The following WDR26 variants were observed in gnomAD, a reference collection of about 807,000 sequenced individuals.
The protein encoded by WDR26 is WD repeat domain 26, also known as WD repeat-containing protein 26.
Under a neutral mutation model 84.1 loss-of-function variants are expected in WDR26, and 5 were observed. The ratio of observed to expected loss-of-function variants is 0.06; its 90% CI spans 0.03 to 0.13. The LOEUF (loss-of-function observed/expected upper bound fraction) is 0.13, where lower values mean the gene tolerates loss of function less well. Among genes scored for constraint, WDR26 ranks in the 10% least tolerant of loss-of-function variants. The pLI, the probability that WDR26 is intolerant of heterozygous loss-of-function variation, is 1.00. For synonymous variants in WDR26, 415 were observed against 389.6 expected (o/e 1.07, Z -0.77); for missense variants, 642 against 974.9 (o/e 0.66, Z 4.55).
chr1:224,421,764 AAAC>A (rs1674071442), intron 4 of WDR26, among the ~76,000 whole-genome samples: 1 of 152,310 alleles, frequency 6.6e-6, no homozygotes. Context: ...ACTCCATCTC[AAAC>A]AACAAGAAAA....
intron 6 of WDR26, chr1:224,413,133 G>T (rs1346483000): frequency 7.5e-6 from 2 of 267,728 alleles, no homozygotes; most frequent in Admixed American, 1.1e-4. Context: ...AGGTTGCAGT[G>T]AGCCAAGATC....
At chr1:224,430,507 GA>G (rs949125477) in intron 3 of WDR26, 5 of 151,634 alleles carry the variant, frequency 3.3e-5, no homozygotes, top group Admixed American at 3.3e-4. Context: ...GATTTCAAAA[GA>G]AAAAAACACA....
intron 13 of WDR26, among the ~76,000 whole-genome samples, chr1:224,391,742 C>T (rs991357453): frequency 3.3e-5 from 5 of 152,070 alleles, no homozygotes; most frequent in East Asian, 1.9e-4. Context: ...CTATATTTTT[C>T]GTAAGTTCTA....
intron 6 of WDR26, among the ~76,000 whole-genome samples, chr1:224,413,854 G>C (rs935793800): frequency 1.3e-5 from 2 of 152,170 alleles, no homozygotes; most frequent in Admixed American, 6.5e-5. Flanking sequence ...CTGTTGTTCA[G>C]GATGGAGTGC....
rs1673314083 is a variant in WDR26 at position 224,398,167 on chromosome 1, T to C, written c.2004A>G (p.Thr668=). The C allele has an allele frequency of 1.2e-6, 2 of 1,613,748 alleles. No individual in the cohort carries two copies. Among genetic ancestry groups the C allele is most frequent in the Middle Eastern group, 1.7e-4 (1 of 6,054 alleles). ...ATGAATGAATTGTATAAAACCCTTG[T>C]GTAACACCTTGATACTTTCTTACTA... is the stretch of plus-strand genomic sequence containing the variant. Residue 668 remains threonine, a synonymous_variant, in exon 12 of 14, where the codon ACA becomes ACG. Transcript: ENST00000414423.
At chr1:224,424,766 T>G in intron 3 of WDR26, 112 bp from the exon 4 acceptor site, 11 of 1,377,430 alleles carry the variant, frequency 8.0e-6, no homozygotes, top group Non-Finnish European at 1.1e-5. Context: ...TTGAAATAAC[T>G]TTTTATAAAG....
At chr1:224,416,231 CTT>C (rs900427423) in intron 6 of WDR26, among the ~76,000 whole-genome samples, 2 of 145,482 alleles carry the variant, frequency 1.4e-5, no homozygotes, top group Non-Finnish European at 1.5e-5. Context: ...TTTTTTCTTT[CTT>C]TTTTTTTTTT....
At chr1:224,395,136 G>A (rs1005332515) in intron 12 of WDR26, among the ~76,000 whole-genome samples, 7 of 152,152 alleles carry the variant, frequency 4.6e-5, no homozygotes, top group African/African-American at 1.2e-4. Flanking sequence ...GACTAGCTGA[G>A]CAACTTTGGG....
intron 7 of WDR26, among the ~76,000 whole-genome samples, chr1:224,409,627 C>T (rs1005886077): frequency 1.3e-5 from 2 of 151,950 alleles, no homozygotes; most frequent in African/African-American, 2.4e-5. Flanking sequence ...TTTGGGAGGT[C>T]GAGGTGGGCG....
chr1:224,422,075 T>A (rs978102895), intron 4 of WDR26, among the ~76,000 whole-genome samples: 2 of 152,184 alleles, frequency 1.3e-5, no homozygotes, highest in Non-Finnish European at 2.9e-5. Context: ...AACAGAGTGA[T>A]GTCACGAGAA....
At chr1:224,395,443 G>C (rs1304708675) in intron 12 of WDR26, among the ~76,000 whole-genome samples, 1 of 152,138 alleles carries the variant, frequency 6.6e-6, no homozygotes, top group African/African-American at 2.4e-5. Context: ...CAAAATTTCT[G>C]ACATGAAGAT....
At chr1:224,411,654 G>C (rs1174762891) in intron 6 of WDR26, 89 bp from the exon 7 acceptor site, 1 of 1,357,344 alleles carries the variant, frequency 7.4e-7, no homozygotes, top group Non-Finnish European at 9.8e-7. Context: ...AAACTTCTTT[G>C]AAGATCACAT....
At position 224,433,969 on chromosome 1, in the gene WDR26, G is replaced by C; in HGVS notation, c.437C>G (p.Ser146Trp). The C allele has an allele frequency of 6.5e-7, 1 of 1,530,450 alleles. No individual in the cohort carries two copies. Among genetic ancestry groups the C allele is most frequent in the Non-Finnish European group, 8.8e-7 (1 of 1,142,342 alleles). 94.8% of individuals were successfully genotyped at this position (1,530,450 alleles called of 1,614,324 possible). Reference sequence around the variant, plus strand: ...GGCCAGGTCCCCCGCGGACGACGACGACGAGGGGGACGACTCCCCGTTCTG... The same window carrying C: ...GGCCAGGTCCCCCGCGGACGACGACCACGAGGGGGACGACTCCCCGTTCTG... Residue 146 changes from serine to tryptophan, a missense_variant, in exon 1 of 14, where the codon TCG becomes TGG. Around this residue, in one of 2 missense-constraint regions of WDR26, gnomAD observed 291 missense variants for 302.1 expected, o/e 0.96. Transcript: ENST00000414423.
At chr1:224,394,437 G>A (rs1187138471) in intron 12 of WDR26, among the ~76,000 whole-genome samples, 2 of 151,758 alleles carry the variant, frequency 1.3e-5, no homozygotes, top group Non-Finnish European at 2.9e-5. Context: ...AAAGTACTAG[G>A]TATCAAGTAC....
At chr1:224,412,848 T>TTAGACA (rs746901439) in intron 6 of WDR26, 2 of 152,428 alleles carry the variant, frequency 1.3e-5, no homozygotes, top group Non-Finnish European at 2.9e-5. Context: ...TGGCTACTGT[T>TTAGACA]TAGACAGAAC....
chr1:224,403,543 A>C (rs1238624258), intron 8 of WDR26, among the ~76,000 whole-genome samples: 2 of 152,216 alleles, frequency 1.3e-5, no homozygotes, highest in Non-Finnish European at 2.9e-5. Context: ...TTACTATTAT[A>C]ACTACAGGGT....
Position 224,434,735 on chromosome 1 carries a change from G to GTCCTCGGATCCGC in WDR26, c.-343_-331dup, listed in dbSNP as rs1674562171. ...GGCAGCGGAGGCAGCTGCCGCCTCT[G>GTCCTCGGATCCGC]TCCTCGGATCCGCTCCGCTCTGCTC... On this transcript the variant is annotated 5_prime_UTR_variant, in exon 1 of 14. Coordinates refer to ENST00000414423, the MANE Select transcript of WDR26 (RefSeq NM_001379403.1). 2.0e-6 allele frequency: 2 copies of GTCCTCGGATCCGC among 986,500 alleles called. No homozygotes were observed. The highest frequency in any genetic ancestry group is 2.4e-6 in the Non-Finnish European group (2 of 830,776). 61.1% of individuals were successfully genotyped at this position (986,500 alleles called of 1,614,324 possible).
chr1:224,400,423 C>T (rs1673380384), intron 9 of WDR26, among the ~76,000 whole-genome samples: 1 of 148,802 alleles, frequency 6.7e-6, no homozygotes, highest in Non-Finnish European at 1.5e-5. Context: ...AATCCAAAGT[C>T]TATACTTTGT....
rs1239716489 is a variant in WDR26, at chr1:224,424,631, C to T, written c.951G>A (p.Gln317=). The change falls in exon 4 of 14, where the codon CAG becomes CAA. Residue 317 remains glutamine (Q), a synonymous_variant. Coordinates refer to ENST00000414423, the MANE Select transcript of WDR26 (RefSeq NM_001379403.1). ...CCTCCAGGTATTCTAGGTACTTCTGCTGCAGCAGCAAAAACTTCATCCTCT... is the reference window on the plus strand; with the variant it reads ...CCTCCAGGTATTCTAGGTACTTCTGTTGCAGCAGCAAAAACTTCATCCTCT... 1 of 1,614,056 alleles carries T rather than the reference C, an allele frequency of 6.2e-7. No individual in the cohort carries two copies. The highest frequency in any genetic ancestry group is 1.3e-5 in the African/African-American group (1 of 74,934).
Sources: allele counts gnomAD v4.1 joint callset (sites outside exome capture counted in the v4.1 genomes callset), GRCh38; gene constraint gnomAD v4.1.1; regional missense constraint gnomAD v4.1.1; transcripts MANE v1.5; gene names NCBI Gene and HGNC (gene_info 2026-07-23, HGNC 2026-07-21).